Variants in ANKRD11 observed in about 807,000 individuals in gnomAD.
ANKRD11 encodes ankyrin repeat domain 11.
ANKRD11 carries 17 observed loss-of-function variants against 195.7 expected under a neutral mutation model. That is an observed-to-expected ratio of 0.09 (90% CI 0.06 to 0.13). The LOEUF (loss-of-function observed/expected upper bound fraction) is 0.13, where lower values mean the gene tolerates loss of function less well. ANKRD11 is among the 10% of genes least tolerant of loss of function. ANKRD11 has a pLI of 1.00. For synonymous variants in ANKRD11, 1,953 were observed against 1,528.1 expected (o/e 1.28, Z -6.49); for missense variants, 3,735 against 3,566.1 (o/e 1.05, Z -1.21).
intron 1 of ANKRD11, among the ~76,000 whole-genome samples, chr16:89,465,351 C>A (rs1386402052): frequency 6.6e-6 from 1 of 152,208 alleles, no homozygotes; most frequent in Non-Finnish European, 1.5e-5. Context: ...CAAGTTTCCA[C>A]AAAATCCTAA....
At chr16:89,332,308 C>T (rs1002754786) in intron 2 of ANKRD11, among the ~76,000 whole-genome samples, 6 of 152,208 alleles carry the variant, frequency 3.9e-5, no homozygotes, top group African/African-American at 1.4e-4. Context: ...CTGGTGAACG[C>T]TCTTCAGCTC....
intron 4 of ANKRD11, among the ~76,000 whole-genome samples, chr16:89,303,099 C>G (rs1359630651): frequency 6.6e-6 from 1 of 152,184 alleles, no homozygotes; most frequent in Non-Finnish European, 1.5e-5. Flanking sequence ...GGGGTGGGCA[C>G]CAGGTAGCCC....
intron 1 of ANKRD11, among the ~76,000 whole-genome samples, chr16:89,481,569 A>T (rs2057446856): frequency 6.6e-6 from 1 of 152,160 alleles, no homozygotes; most frequent in Non-Finnish European, 1.5e-5. Flanking sequence ...AAAAAGAACC[A>T]TTTAGGCACC....
chr16:89,341,873 GGCCC>G (rs2038682276), intron 2 of ANKRD11, among the ~76,000 whole-genome samples: 3 of 122,880 alleles, frequency 2.4e-5, no homozygotes, highest in African/African-American at 4.0e-5. Flanking sequence ...CAGCGGCCAC[GGCCC>G]ACGGCAGGAG....
intron 2 of ANKRD11, among the ~76,000 whole-genome samples, chr16:89,390,582 C>A (rs149787197): frequency 4.8e-4 from 73 of 152,248 alleles, no homozygotes; most frequent in African/African-American, 1.7e-3. Context: ...ACATGGAGAA[C>A]CTGACCAAGG....
At position 89,285,629 on chromosome 16, in the gene ANKRD11, C is replaced by T. The variant is rs138353708; in HGVS notation, c.913G>A (p.Ala305Thr). 1.7e-5 allele frequency: 27 copies of T among 1,614,024 alleles called. No individual in the cohort carries two copies. In the East Asian group the frequency reaches 2.9e-4, roughly 17 times the overall value. Residue 305 changes from alanine (A) to threonine (T), a missense_variant, in exon 9 of 13, where the codon GCA (alanine) becomes ACA (threonine). By Grantham distance (58) the Ala-to-Thr change is moderately conservative. Coordinates refer to ENST00000301030, the MANE Select transcript of ANKRD11 (RefSeq NM_013275.6). The surrounding 1 kb of genome is among the most constrained non-coding windows in gnomAD (Gnocchi z 5.6). ...GAACTGGAAGGTGCGAAGGATGGTG[C>T]GTCTTCCTCTTCTGAGCTCTCTGTT... ...SSTESSEEED[A>T]PSFAPSSSVD...
intron 2 of ANKRD11, chr16:89,324,532 A>G (rs957893725): frequency 1.3e-5 from 6 of 456,028 alleles, no homozygotes; most frequent in Non-Finnish European, 2.2e-5. Context: ...GGAGATTCAC[A>G]TTGAGTCAGT....
chr16:89,426,565 A>ACACG, intron 1 of ANKRD11, among the ~76,000 whole-genome samples: 1 of 151,878 alleles, frequency 6.6e-6, no homozygotes, highest in Non-Finnish European at 1.5e-5. Context: ...ACACACACAC[A>ACACG]CAAATCTGAA....
At chr16:89,349,362 C>T (rs1167061520) in intron 2 of ANKRD11, among the ~76,000 whole-genome samples, 2 of 151,674 alleles carry the variant, frequency 1.3e-5, no homozygotes, top group East Asian at 3.9e-4. Context: ...CGCCTGTAGT[C>T]CCAGCTACTT....
chr16:89,479,316 A>G (rs568364103), intron 1 of ANKRD11, among the ~76,000 whole-genome samples: 1 of 152,172 alleles, frequency 6.6e-6, no homozygotes, highest in East Asian at 1.9e-4. Context: ...TGCCTCCTAG[A>G]TAAAACACAT....
intron 1 of ANKRD11, among the ~76,000 whole-genome samples, chr16:89,438,520 C>T (rs1037198077): frequency 2.0e-5 from 3 of 152,018 alleles, no homozygotes; most frequent in African/African-American, 7.2e-5. Context: ...TTAGTAGATA[C>T]AGGGTTTCAC....
chr16:89,293,700 T>C (rs1251755984), intron 4 of ANKRD11, among the ~76,000 whole-genome samples: 1 of 91,866 alleles, frequency 1.1e-5, no homozygotes, highest in Non-Finnish European at 2.2e-5. Context: ...GAGTTGGGGC[T>C]GCGGAGGGAG....
chr16:89,453,332 C>A (rs1221525672), intron 1 of ANKRD11, among the ~76,000 whole-genome samples: 1 of 152,166 alleles, frequency 6.6e-6, no homozygotes, highest in Non-Finnish European at 1.5e-5. Context: ...TTTATAACAA[C>A]TTCCAACTTA....
intron 1 of ANKRD11, among the ~76,000 whole-genome samples, chr16:89,486,978 C>T (rs1317064751): frequency 1.4e-5 from 2 of 147,166 alleles, no homozygotes; most frequent in Non-Finnish European, 3.0e-5. Context: ...CACTGCACTC[C>T]AGCCTGGGCA....
intron 2 of ANKRD11, among the ~76,000 whole-genome samples, chr16:89,380,135 CAG>C (rs1253496396): frequency 3.3e-5 from 5 of 152,076 alleles, no homozygotes; most frequent in African/African-American, 4.8e-5. Context: ...CTTTTTGAGA[CAG>C]AGTCTCATTC....
At chr16:89,463,117 C>T (rs1261450322) in intron 1 of ANKRD11, among the ~76,000 whole-genome samples, 1 of 151,828 alleles carries the variant, frequency 6.6e-6, no homozygotes, top group Non-Finnish European at 1.5e-5. Flanking sequence ...TGCCCGGCCG[C>T]CCCTACTGGG....
At chr16:89,460,769 G>T (rs931015777) in intron 1 of ANKRD11, among the ~76,000 whole-genome samples, 1 of 152,118 alleles carries the variant, frequency 6.6e-6, no homozygotes, top group African/African-American at 2.4e-5. Flanking sequence ...AATTTGACCT[G>T]CAGGGGGTAG....
Position 89,337,157 on chromosome 16 carries a change from C to T in ANKRD11, c.-59-20079G>A, listed in dbSNP as rs551745872. 1.8e-3 allele frequency among the ~76,000 whole-genome samples: 269 copies of T among 151,998 alleles called. 2 individuals are homozygous for T. Among genetic ancestry groups the T allele is most frequent in the African/African-American group, 5.7e-3 (238 of 41,470 alleles). On this transcript the variant is annotated intron_variant, in intron 2 of 12. Coordinates refer to ENST00000301030, the MANE Select transcript of ANKRD11 (RefSeq NM_013275.6). ...GTTGAGATCACACCACTCTACTCCA[C>T]CCTGGGCAACAGAGTGAGACCCTGT...
At position 89,279,447 on chromosome 16, in the gene ANKRD11, C is replaced by T. The variant is rs1343429737; in HGVS notation, c.7095G>A (p.Pro2365=). Residue 2365 remains proline, a synonymous_variant, in exon 9 of 13, where the codon CCG becomes CCA. Transcript: ENST00000301030. This position sits in a 1 kb window ranked among gnomAD's most constrained non-coding sequence, Gnocchi z 5.6. The part of the protein sequence containing the change: ...SEKECAPTPA[P]VTRAKARGSE... The stretch of plus-strand genomic sequence containing the variant: ...AGCCGCGGGCCTTGGCCCTGGTGAC[C>T]GGGGCAGGGGTGGGGGCGCACTCCT... The T allele has an allele frequency of 4.7e-6, 7 of 1,480,400 alleles. No individual in the cohort carries two copies. The highest frequency in any genetic ancestry group is 1.4e-5 in the African/African-American group (1 of 69,764). The allele number at this position is 1,480,400 out of a possible 1,614,324, so 91.7% of individuals were successfully genotyped here. A position where few individuals can be genotyped will look rare whatever the true frequency, so the allele number is the denominator to read the frequency against.
Sources: allele counts gnomAD v4.1 joint callset (sites outside exome capture counted in the v4.1 genomes callset), GRCh38; gene constraint gnomAD v4.1.1; non-coding constraint Gnocchi (gnomAD v3.1); transcripts MANE v1.5; gene names NCBI Gene and HGNC (gene_info 2026-07-23, HGNC 2026-07-21).